ABLIM2: variants seen among roughly 807,000 people sequenced by gnomAD.
ABLIM2 encodes actin-binding LIM protein 2.
In ABLIM2, 53 loss-of-function variants were observed where a neutral mutation model predicts 97.7. The observed-to-expected ratio is 0.54, with a 90% CI of 0.44 to 0.68. The LOEUF (loss-of-function observed/expected upper bound fraction) is 0.68. Among genes scored for constraint, ABLIM2 ranks in the 30% least tolerant of loss-of-function variants. The pLI is 0.00. For missense variants in ABLIM2, 835 were observed against 867.2 expected (o/e 0.96, Z 0.47); for synonymous variants, 361 against 345.8 (o/e 1.04, Z -0.49).
chr4:8,024,537 G>C (rs1308717832), intron 12 of ABLIM2, among the ~76,000 whole-genome samples: 1 of 152,206 alleles, frequency 6.6e-6, no homozygotes, highest in Non-Finnish European at 1.5e-5. Flanking sequence ...GGCTTTCCCA[G>C]AGGGCAGGCG....
At chr4:8,143,969 C>T (rs1013582575) in intron 1 of ABLIM2, among the ~76,000 whole-genome samples, 5 of 152,260 alleles carry the variant, frequency 3.3e-5, no homozygotes, top group East Asian at 3.9e-4. Flanking sequence ...AACTGGCGCT[C>T]GGAGGGGAGG....
intron 5 of ABLIM2, among the ~76,000 whole-genome samples, chr4:8,079,762 G>A (rs1428024871): frequency 8.2e-6 from 1 of 122,300 alleles, no homozygotes; most frequent in Admixed American, 7.8e-5. Context: ...GCGTGCGTGC[G>A]TGTGTGTGTG....
chr4:8,084,567 TG>T (rs1195663838), intron 4 of ABLIM2, among the ~76,000 whole-genome samples: 2 of 152,188 alleles, frequency 1.3e-5, no homozygotes. Flanking sequence ...GCCCCATTCC[TG>T]GGCCTGGGAC....
chr4:8,140,983 C>T lies in ABLIM2; in HGVS notation c.10+17697G>A, dbSNP rs1054567316. On this transcript the variant is annotated intron_variant, in intron 1 of 20. Coordinates refer to ENST00000447017, the MANE Select transcript of ABLIM2 (RefSeq NM_001130083.2). This position sits in a 1 kb window ranked among gnomAD's most constrained non-coding sequence, Gnocchi z 5.9. Reference sequence around the variant, plus strand: ...AGCTGTGGGCTGGTCTCCAAGGCCACTGAACCTGACCTCAGGCTCAGGTGG... The same window carrying T: ...AGCTGTGGGCTGGTCTCCAAGGCCATTGAACCTGACCTCAGGCTCAGGTGG... Among the ~76,000 whole-genome samples, 4 of 152,160 alleles carry T rather than the reference C, an allele frequency of 2.6e-5. No homozygotes were observed. The highest frequency in any genetic ancestry group is 1.3e-4 in the Admixed American group (2 of 15,270).
At chr4:8,100,920 G>A (rs1039642839) in intron 2 of ABLIM2, among the ~76,000 whole-genome samples, 1 of 152,180 alleles carries the variant, frequency 6.6e-6, no homozygotes, top group Non-Finnish European at 1.5e-5. Context: ...ATGAATGTGA[G>A]GAATCTGCAT....
chr4:7,976,894 C>T lies in ABLIM2; in HGVS notation c.1824+6370G>A, dbSNP rs769330134. Among the ~76,000 whole-genome samples, 7 of 131,028 alleles carry T rather than the reference C, an allele frequency of 5.3e-5. No individual in the cohort carries two copies. The Admixed American group carries it at 5.5e-4, about 10-fold the overall frequency. The allele number at this position is 131,028 out of a possible 152,430, so 86.0% of individuals were successfully genotyped here. A position where few individuals can be genotyped will look rare whatever the true frequency, so the allele number is the denominator to read the frequency against. On this transcript the variant is annotated intron_variant, in intron 20 of 20. Transcript: ENST00000447017. ...ACATAAACATACACACACGCATATA[C>T]ACACATACATGTACACACACACATA...
intron 1 of ABLIM2, among the ~76,000 whole-genome samples, chr4:8,107,610 C>T (rs546496744): frequency 3.3e-4 from 50 of 152,308 alleles, no homozygotes; most frequent in East Asian, 5.8e-4. Flanking sequence ...AGTGAATCAG[C>T]GTGGGGACTG....
Position 8,029,637 on chromosome 4 carries a change from G to A in ABLIM2, c.1168+19C>T, listed in dbSNP as rs1474262022. On this transcript the variant is annotated intron_variant, in intron 11 of 20. Coordinates refer to ENST00000447017, the MANE Select transcript of ABLIM2 (RefSeq NM_001130083.2). ...AGGACAGCATCCTGGGGGCTCAGAG[G>A]AACCAGGGGGCCAAGTACCTGGACG... 1 of 1,500,708 alleles carries A rather than the reference G, an allele frequency of 6.7e-7. No individual in the cohort carries two copies. Among genetic ancestry groups the A allele is most frequent in the African/African-American group, 1.4e-5 (1 of 71,472 alleles). The allele number at this position is 1,500,708 out of a possible 1,614,324, so 93.0% of individuals were successfully genotyped here. A position where few individuals can be genotyped will look rare whatever the true frequency, so the allele number is the denominator to read the frequency against.
chr4:8,102,696 T>C (rs1835276059), intron 2 of ABLIM2, among the ~76,000 whole-genome samples: 3 of 152,134 alleles, frequency 2.0e-5, no homozygotes, highest in Admixed American at 2.0e-4. Flanking sequence ...TTTTCCCAGG[T>C]AAACTGAGGC....
In ABLIM2 at chr4:8,021,216, T is replaced by C. The variant is rs1260182591; in HGVS notation, c.1268-913A>G. Among the ~76,000 whole-genome samples the C allele has an allele frequency of 3.3e-5, 5 of 152,136 alleles. No homozygotes were observed. Among genetic ancestry groups the C allele is most frequent in the Non-Finnish European group, 4.4e-5 (3 of 68,028 alleles). On this transcript the variant is annotated intron_variant, in intron 12 of 20. Coordinates refer to ENST00000447017, the MANE Select transcript of ABLIM2 (RefSeq NM_001130083.2). The surrounding 1 kb of genome is among the most constrained non-coding windows in gnomAD (Gnocchi z 5.5). ...AATGGAAAGCATCCTCTGACCCTGCTTCAATTGCTGAGCTCACCTGGAACT... is the reference window on the plus strand; with the variant it reads ...AATGGAAAGCATCCTCTGACCCTGCCTCAATTGCTGAGCTCACCTGGAACT...
intron 5 of ABLIM2, among the ~76,000 whole-genome samples, chr4:8,079,645 G>C (rs1281854151): frequency 6.6e-6 from 1 of 152,148 alleles, no homozygotes; most frequent in Non-Finnish European, 1.5e-5. Flanking sequence ...GTTTCCCCCA[G>C]TGGTGATGCA....
chr4:7,974,728 T>C (rs1246644494), intron 20 of ABLIM2, among the ~76,000 whole-genome samples: 15 of 151,664 alleles, frequency 9.9e-5, no homozygotes, highest in Admixed American at 9.9e-4. Context: ...CACCCATCCA[T>C]CCACCCACCC....
intron 5 of ABLIM2, among the ~76,000 whole-genome samples, chr4:8,079,113 G>A (rs567849529): frequency 6.6e-6 from 1 of 152,392 alleles, no homozygotes; most frequent in East Asian, 1.9e-4. Flanking sequence ...CGGCCTGGAA[G>A]TGGCCCACAG....
chr4:8,008,308 C>T (rs116400685), intron 15 of ABLIM2, 108 bp from the exon 16 acceptor site: 11,914 of 1,105,072 alleles, frequency 0.011, 89 homozygotes, highest in Non-Finnish European at 0.013. Flanking sequence ...ACGAGCTGAC[C>T]CCACTGTGAG....
Position 8,001,140 on chromosome 4 carries a change from T to C in ABLIM2, c.1618+6919A>G, listed in dbSNP as rs1756909523. ...ATCTGAGGAAGACGGGCACCCCTCA[T>C]CCCTGAGCAGCGGTGAATGAAATGC... is the stretch of plus-strand genomic sequence containing the variant. On this transcript the variant is annotated intron_variant, in intron 16 of 20. Coordinates refer to ENST00000447017, the MANE Select transcript of ABLIM2 (RefSeq NM_001130083.2). The surrounding 1 kb of genome is among the most constrained non-coding windows in gnomAD (Gnocchi z 4.2). 6.6e-6 allele frequency among the ~76,000 whole-genome samples: 1 copy of C among 152,098 alleles called. No homozygotes were observed. Among genetic ancestry groups the C allele is most frequent in the Admixed American group, 6.5e-5 (1 of 15,278 alleles).
In ABLIM2 at chr4:8,078,484, C is replaced by T. The variant is rs73796845; in HGVS notation, c.582-763G>A. Among the ~76,000 whole-genome samples, 1,178 of 152,334 alleles carry T rather than the reference C, an allele frequency of 7.7e-3. 14 individuals are homozygous for T. Among genetic ancestry groups the T allele is most frequent in the African/African-American group, 0.027 (1,112 of 41,572 alleles). ...ATGAGCTACAGAGAAAAGCCGTCTG[C>T]GGGGTCATCCCTGGCACAGCTCCTG... is the stretch of plus-strand genomic sequence containing the variant. On this transcript the variant is annotated intron_variant, in intron 5 of 20. Coordinates refer to ENST00000447017, the MANE Select transcript of ABLIM2 (RefSeq NM_001130083.2).
At chr4:8,086,246 G>C (rs530829105) in intron 4 of ABLIM2, among the ~76,000 whole-genome samples, 1 of 149,836 alleles carries the variant, frequency 6.7e-6, no homozygotes, top group Non-Finnish European at 1.5e-5. Context: ...CATTTGGAGA[G>C]GGCACAGCCT....
At chr4:8,062,157 C>T (rs1000871982) in intron 6 of ABLIM2, among the ~76,000 whole-genome samples, 4 of 152,064 alleles carry the variant, frequency 2.6e-5, no homozygotes, top group Non-Finnish European at 5.9e-5. Flanking sequence ...TCTCATCCCA[C>T]CTGCCACCTC....
At chr4:8,098,899 A>G (rs1833056531) in intron 2 of ABLIM2, among the ~76,000 whole-genome samples, 1 of 152,180 alleles carries the variant, frequency 6.6e-6, no homozygotes, top group Non-Finnish European at 1.5e-5. Flanking sequence ...GCTGATTCTG[A>G]ATTCTGTCTC....
Sources: gnomAD v4.1 joint callset for allele counts (sites outside exome capture counted in the v4.1 genomes callset) on GRCh38, gnomAD v4.1.1 for gene constraint, Gnocchi (gnomAD v3.1) non-coding constraint, MANE v1.5 for transcripts, NCBI Gene and HGNC (gene_info 2026-07-23, HGNC 2026-07-21) for gene names.